CD6: variants seen among roughly 807,000 people sequenced by gnomAD.
CD6 encodes the protein CD6 molecule, also known as T-cell differentiation antigen CD6.
Under a neutral mutation model 75.3 loss-of-function variants are expected in CD6, and 53 were observed. The observed-to-expected ratio is 0.70, with a 90% CI of 0.56 to 0.88. The LOEUF (loss-of-function observed/expected upper bound fraction) is 0.88. CD6 is among the 40% of genes least tolerant of loss of function. The probability of loss-of-function intolerance (pLI) is 0.00; values close to 1 mark genes in which losing one functional copy is unlikely to be tolerated. For synonymous variants in CD6, 359 were observed against 381.5 expected, an observed-to-expected ratio of 0.94 and a Z score of 0.69; for missense variants, 770 against 897.1, an observed-to-expected ratio of 0.86 and a Z score of 1.81.
Position 61,007,448 on chromosome 11 carries a change from C to A in CD6, c.119-112C>A. ...CATTTTGCAGACTGGAAAGCTGAGA[C>A]CCCTAGCCAGGCAGGGCGTTGTCAA... On this transcript the variant is annotated intron_variant, in intron 2 of 12. Coordinates refer to ENST00000313421, the MANE Select transcript of CD6 (RefSeq NM_006725.5). This position sits in a 1 kb window ranked among gnomAD's most constrained non-coding sequence, Gnocchi z 4.2. 3.5e-6 allele frequency: 3 copies of A among 849,190 alleles called. No individual in the cohort carries two copies. The highest frequency in any genetic ancestry group is 2.8e-5 in the South Asian group (1 of 35,616). 52.6% of individuals were successfully genotyped at this position (849,190 alleles called of 1,614,324 possible).
At position 61,007,839 on chromosome 11, in the gene CD6, A is replaced by T; in HGVS notation, c.398A>T (p.Glu133Val). ...CCCGCCCTCCTGTGCAGCGGCGCCG[A>T]GTGGCGGCTCTGCGAGGTGGTGGAG... is the stretch of plus-strand genomic sequence containing the variant. ...GAPALLCSGA[E>V]WRLCEVVEHA... The change falls in exon 3 of 13, where the codon GAG becomes GTG. Residue 133 changes from glutamate to valine, a missense_variant. By Grantham distance (121) the Glu-to-Val change is moderately radical (BLOSUM62 -2). Coordinates refer to ENST00000313421, the MANE Select transcript of CD6 (RefSeq NM_006725.5). The surrounding 1 kb of genome is among the most constrained non-coding windows in gnomAD (Gnocchi z 4.2). 1 of 1,427,848 alleles carries T rather than the reference A, an allele frequency of 7.0e-7. No individual in the cohort carries two copies. The allele number at this position is 1,427,848 out of a possible 1,614,324, so 88.4% of individuals were successfully genotyped here. A position where few individuals can be genotyped will look rare whatever the true frequency, so the allele number is the denominator to read the frequency against.
chr11:60,991,574 G>T (rs760921157), intron 1 of CD6, among the ~76,000 whole-genome samples: 9 of 151,970 alleles, frequency 5.9e-5, no homozygotes, highest in Admixed American at 2.6e-4. Context: ...TCACGTATTT[G>T]CAGGTATAGT....
intron 1 of CD6, among the ~76,000 whole-genome samples, chr11:61,002,192 C>T (rs1223178209): frequency 3.9e-5 from 6 of 152,110 alleles, no homozygotes; most frequent in Admixed American, 2.0e-4. Context: ...GTAAATGGAC[C>T]GTAATTGATT....
chr11:60,988,860 T>G lies in CD6; in HGVS notation c.49+16946T>G, dbSNP rs151143989. On this transcript the variant is annotated intron_variant, in intron 1 of 12. Coordinates refer to ENST00000313421, the MANE Select transcript of CD6 (RefSeq NM_006725.5). ...AGGGCCCCTCCTGAGAGCCAGTGGG[T>G]GGGGGCAGGCCCCCTGGAAAATCGC... is the stretch of plus-strand genomic sequence containing the variant. 1.3e-3 allele frequency among the ~76,000 whole-genome samples: 205 copies of G among 152,264 alleles called. 1 individual carries two copies. In the East Asian group the frequency reaches 0.015, roughly 11 times the overall value.
chr11:60,998,132 G>A (rs1428551410), intron 1 of CD6, among the ~76,000 whole-genome samples: 2 of 152,202 alleles, frequency 1.3e-5, no homozygotes, highest in African/African-American at 4.8e-5. Flanking sequence ...GAGCCAGACT[G>A]TCCAGGTTCA....
intron 4 of CD6, 143 bp from the exon 5 acceptor site, chr11:61,009,429 G>A: frequency 2.7e-6 from 2 of 743,260 alleles, no homozygotes; most frequent in Non-Finnish European, 2.1e-6. Flanking sequence ...CAGGTGACAG[G>A]GGGACACAGA....
intron 9 of CD6, 73 bp from the exon 10 acceptor site, chr11:61,017,406 C>G: frequency 8.0e-7 from 1 of 1,244,158 alleles, no homozygotes; most frequent in South Asian, 1.3e-5. Context: ...CCCGGGAAAT[C>G]CAGCCTCTTC....
In CD6 at chr11:61,007,940, A is replaced by T; in HGVS notation, c.469+30A>T. 1 of 1,257,922 alleles carries T rather than the reference A, an allele frequency of 7.9e-7. No individual in the cohort carries two copies. The highest frequency in any genetic ancestry group is 1.0e-6 in the Non-Finnish European group (1 of 990,342). The allele number at this position is 1,257,922 out of a possible 1,614,324, so 77.9% of individuals were successfully genotyped here. ...GAGCGCACCCCCTACACGGGCCCCC[A>T]CCTGCCCCACTCCCCAGGCCTTCAG... On this transcript the variant is annotated intron_variant, in intron 3 of 12. Coordinates refer to ENST00000313421, the MANE Select transcript of CD6 (RefSeq NM_006725.5). The surrounding 1 kb of genome is among the most constrained non-coding windows in gnomAD (Gnocchi z 4.2).
At chr11:61,008,308 C>A in intron 3 of CD6, 1 of 546,828 alleles carries the variant, frequency 1.8e-6, no homozygotes, top group Non-Finnish European at 3.2e-6. Context: ...GGCTCCCAAA[C>A]CTGCCCTCCA....
At chr11:60,994,008 G>A (rs925558245) in intron 1 of CD6, among the ~76,000 whole-genome samples, 9 of 152,272 alleles carry the variant, frequency 5.9e-5, no homozygotes, top group East Asian at 1.9e-4. Context: ...TTACAGAGGC[G>A]AGTAGGAAAC....
chr11:60,989,959 C>G (rs79881619), intron 1 of CD6, among the ~76,000 whole-genome samples: 3,490 of 152,206 alleles, frequency 0.023, 54 homozygotes, highest in Non-Finnish European at 0.034. Context: ...ATTGATATGA[C>G]TCGGACAATT....
chr11:60,981,385 G>T (rs754293088), intron 1 of CD6, among the ~76,000 whole-genome samples: 1 of 152,286 alleles, frequency 6.6e-6, no homozygotes, highest in African/African-American at 2.4e-5. Flanking sequence ...TTGGGCCGGG[G>T]ACCCCTCCCC....
chr11:61,006,497 C>A, intron 1 of CD6, 77 bp from the exon 2 acceptor site: 1 of 1,228,906 alleles, frequency 8.1e-7, no homozygotes, highest in Non-Finnish European at 1.2e-6. Flanking sequence ...AGGAAGTGCC[C>A]CCTGCTCATC....
chr11:61,019,980 T>C lies in CD6; in HGVS notation c.*662T>C. On this transcript the variant is annotated 3_prime_UTR_variant, in exon 13 of 13. Coordinates refer to ENST00000313421, the MANE Select transcript of CD6 (RefSeq NM_006725.5). ...AGGAGCTGGGGCCCAAGGCCAGTCC[T>C]GCCCCAGAGACACTCCAAGTCCGCC... is the stretch of plus-strand genomic sequence containing the variant. 3 of 396,638 alleles carry C rather than the reference T, an allele frequency of 7.6e-6. No individual in the cohort carries two copies. The highest frequency in any genetic ancestry group is 1.3e-5 in the Non-Finnish European group (3 of 225,384). 24.6% of individuals were successfully genotyped at this position (396,638 alleles called of 1,614,324 possible). A position where few individuals can be genotyped will look rare whatever the true frequency, so the allele number is the denominator to read the frequency against.
At chr11:60,985,523 G>A (rs578181349) in intron 1 of CD6, among the ~76,000 whole-genome samples, 1 of 152,082 alleles carries the variant, frequency 6.6e-6, no homozygotes, top group South Asian at 2.1e-4. Context: ...TTTGAACTTA[G>A]AAATCTGTCA....
chr11:61,017,953 A>C lies in CD6; in HGVS notation c.1777A>C (p.Ser593Arg), dbSNP rs746740471. ...CCCCCAGGTGTTTTCTTCAGAGAGG[A>C]GTTCCTTCCTGGAGCAGCCCCCAAA... ...WNPQVFSSER[S>R]SFLEQPPNLE... The change falls in exon 11 of 13, where the codon AGT (serine) becomes CGT (arginine). Residue 593 changes from serine (S) to arginine (R), a missense_variant. Coordinates refer to ENST00000313421, the MANE Select transcript of CD6 (RefSeq NM_006725.5). 5 of 1,613,478 alleles carry C rather than the reference A, an allele frequency of 3.1e-6. No homozygotes were observed. The South Asian group carries it at 5.5e-5, about 18-fold the overall frequency.
At chr11:60,977,807 T>C (rs371451985) in intron 1 of CD6, among the ~76,000 whole-genome samples, 126 of 152,282 alleles carry the variant, frequency 8.3e-4, no homozygotes, top group African/African-American at 2.9e-3. Context: ...TCTTTCTTAA[T>C]TGATGTTTTA....
chr11:60,992,167 C>T (rs558142581), intron 1 of CD6, among the ~76,000 whole-genome samples: 343 of 152,070 alleles, frequency 2.3e-3, no homozygotes, highest in South Asian at 4.8e-3. Flanking sequence ...GCGTGAGCCA[C>T]AGCACCCAGC....
chr11:60,973,550 A>G (rs942581821), intron 1 of CD6, among the ~76,000 whole-genome samples: 13 of 152,054 alleles, frequency 8.5e-5, no homozygotes, highest in African/African-American at 2.7e-4. Flanking sequence ...ATCATTTGCC[A>G]TAAGTGAAAG....
Sources: allele counts gnomAD v4.1 joint callset (sites outside exome capture counted in the v4.1 genomes callset), GRCh38; gene constraint gnomAD v4.1.1; non-coding constraint Gnocchi (gnomAD v3.1); transcripts MANE v1.5; gene names NCBI Gene and HGNC (gene_info 2026-07-23, HGNC 2026-07-21).